The following ATP10B variants were observed in gnomAD, a reference collection of about 807,000 sequenced individuals.
The protein encoded by ATP10B is phospholipid-transporting ATPase VB.
Under a neutral mutation model 141.2 loss-of-function variants are expected in ATP10B, and 122 were observed. The ratio of observed to expected loss-of-function variants is 0.86; its 90% CI spans 0.75 to 1.00. ATP10B has a LOEUF of 1.00. Ranked by LOEUF, ATP10B falls within the 50% of genes least tolerant of loss-of-function variation. The pLI is 0.00. For missense variants in ATP10B, 1,876 were observed against 1,825.3 expected (o/e 1.03, Z -0.51); for synonymous variants, 685 against 692.0 (o/e 0.99, Z 0.16).
At chr5:160,634,961 A>T (rs1427392882) in intron 11 of ATP10B, among the ~76,000 whole-genome samples, 2 of 152,068 alleles carry the variant, frequency 1.3e-5, no homozygotes, top group Admixed American at 1.3e-4. Context: ...CCTATTGTTA[A>T]TTTCTCCCCA....
At chr5:160,802,402 A>AT (rs1488496504) in intron 1 of ATP10B, among the ~76,000 whole-genome samples, 16 of 152,190 alleles carry the variant, frequency 1.1e-4, no homozygotes, top group African/African-American at 3.6e-4. Flanking sequence ...ACTGGAAGCA[A>AT]TTTTGTCCCC....
chr5:160,805,283 T>C (rs1438343645), intron 1 of ATP10B, among the ~76,000 whole-genome samples: 2 of 152,222 alleles, frequency 1.3e-5, no homozygotes, highest in Non-Finnish European at 2.9e-5. Flanking sequence ...ACAAAAATAA[T>C]TTAGCAGTAA....
At chr5:160,802,305 G>A (rs1403631906) in intron 1 of ATP10B, among the ~76,000 whole-genome samples, 2 of 152,172 alleles carry the variant, frequency 1.3e-5, no homozygotes, top group African/African-American at 4.8e-5. Flanking sequence ...GAATTTGTAA[G>A]CTGACATTAC....
chr5:160,751,853 G>C (rs1325926269), intron 2 of ATP10B, among the ~76,000 whole-genome samples: 1 of 152,166 alleles, frequency 6.6e-6, no homozygotes, highest in Non-Finnish European at 1.5e-5. Flanking sequence ...GAAAGAAAAA[G>C]TATATTTCAC....
In ATP10B at chr5:160,654,065, A is replaced by G. The variant is rs1297204045; in HGVS notation, c.676-4809T>C. On this transcript the variant is annotated intron_variant, in intron 7 of 25. Coordinates refer to ENST00000327245, the MANE Select transcript of ATP10B (RefSeq NM_025153.3). ...ATACATATATAAATATATGTTGTAT[A>G]TACGTATATACATATAAATATATGT... is the stretch of plus-strand genomic sequence containing the variant. Among the ~76,000 whole-genome samples the G allele has an allele frequency of 1.5e-5, 2 of 131,852 alleles. 1 individual carries two copies. The highest frequency in any genetic ancestry group is 3.2e-5 in the Non-Finnish European group (2 of 61,744). The allele number at this position is 131,852 out of a possible 152,430, so 86.5% of individuals were successfully genotyped here.
At chr5:160,797,200 T>A (rs996883446) in intron 1 of ATP10B, among the ~76,000 whole-genome samples, 1 of 152,166 alleles carries the variant, frequency 6.6e-6, no homozygotes, top group Non-Finnish European at 1.5e-5. Context: ...CTACAACAGC[T>A]GGGCTCAGAT....
the ATP10B span, among the ~76,000 whole-genome samples, chr5:160,885,134 AG>A: frequency 6.6e-6 from 1 of 152,236 alleles, no homozygotes; most frequent in Non-Finnish European, 1.5e-5. Flanking sequence ...GTATATAAAA[AG>A]GGAGGTGATT....
chr5:160,818,788 G>T (rs1218866634), intron 1 of ATP10B, among the ~76,000 whole-genome samples: 1 of 152,148 alleles, frequency 6.6e-6, no homozygotes, highest in African/African-American at 2.4e-5. Flanking sequence ...AGAAAATGTG[G>T]CACATGTACA....
chr5:160,579,733 T>C (rs1338691037), intron 24 of ATP10B, among the ~76,000 whole-genome samples: 1 of 152,246 alleles, frequency 6.6e-6, no homozygotes, highest in East Asian at 1.9e-4. Context: ...GGGATAGCAT[T>C]GAATCTATAA....
At chr5:160,886,028 T>G in the ATP10B span, among the ~76,000 whole-genome samples, 3 of 152,224 alleles carry the variant, frequency 2.0e-5, no homozygotes, top group Admixed American at 2.0e-4. Flanking sequence ...AGTAGAAATT[T>G]GAAAATCACC....
intron 18 of ATP10B, 101 bp from the exon 19 acceptor site, chr5:160,607,187 A>G: frequency 4.3e-6 from 4 of 940,730 alleles, no homozygotes; most frequent in Non-Finnish European, 4.8e-6. Context: ...AAACTCTACT[A>G]CCATAGAGAT....
the ATP10B span, among the ~76,000 whole-genome samples, chr5:160,865,182 G>A: frequency 6.6e-6 from 1 of 152,060 alleles, no homozygotes; most frequent in African/African-American, 2.4e-5. Flanking sequence ...TGTACTATAA[G>A]GCTATAGTTA....
At chr5:160,684,632 C>T (rs1187813787) in intron 6 of ATP10B, among the ~76,000 whole-genome samples, 1 of 152,138 alleles carries the variant, frequency 6.6e-6, no homozygotes, top group East Asian at 1.9e-4. Context: ...TGATAAAGAC[C>T]TCCTAATTTT....
chr5:160,801,932 C>A (rs1304942744), intron 1 of ATP10B, among the ~76,000 whole-genome samples: 1 of 152,110 alleles, frequency 6.6e-6, no homozygotes, highest in Non-Finnish European at 1.5e-5. Flanking sequence ...TAGCATAATG[C>A]CTAGCAAAGA....
At chr5:160,594,440 A>G (rs932742861) in intron 22 of ATP10B, among the ~76,000 whole-genome samples, 9 of 152,206 alleles carry the variant, frequency 5.9e-5, no homozygotes, top group Non-Finnish European at 1.2e-4. Flanking sequence ...AATCACGCCA[A>G]ATTGTAAAGA....
intron 3 of ATP10B, among the ~76,000 whole-genome samples, chr5:160,705,206 C>T (rs574708962): frequency 7.2e-5 from 11 of 152,176 alleles, no homozygotes; most frequent in Non-Finnish European, 1.0e-4. Context: ...GCGTGAGCCA[C>T]GGTGCCCAAC....
intron 1 of ATP10B, among the ~76,000 whole-genome samples, chr5:160,850,573 A>G (rs567065764): frequency 1.9e-4 from 29 of 152,184 alleles, no homozygotes; most frequent in Admixed American, 1.7e-3. Context: ...ACTAAGTTCC[A>G]TTCCATTCCT....
At chr5:160,899,243 T>G in the ATP10B span, among the ~76,000 whole-genome samples, 1 of 151,938 alleles carries the variant, frequency 6.6e-6, no homozygotes, top group African/African-American at 2.4e-5. Context: ...GGGGTCACAG[T>G]TTTTAGTGGG....
chr5:160,890,355 A>G, the ATP10B span, among the ~76,000 whole-genome samples: 1 of 152,184 alleles, frequency 6.6e-6, no homozygotes, highest in Non-Finnish European at 1.5e-5. Context: ...CATTTAGTAC[A>G]TTTTCAATGT....
Sources: allele counts gnomAD v4.1 joint callset (sites outside exome capture counted in the v4.1 genomes callset), GRCh38; gene constraint gnomAD v4.1.1; transcripts MANE v1.5; gene names NCBI Gene and HGNC (gene_info 2026-07-23, HGNC 2026-07-21).